TLK2: variants seen among roughly 807,000 people sequenced by gnomAD.
TLK2 encodes the protein serine/threonine-protein kinase tousled-like 2.
A neutral mutation model predicts 117.3 loss-of-function variants in TLK2; 6 were observed. The ratio of observed to expected loss-of-function variants is 0.05; its 90% CI spans 0.03 to 0.10. The LOEUF (loss-of-function observed/expected upper bound fraction) is 0.10, where lower values mean the gene tolerates loss of function less well. Ranked by LOEUF, TLK2 falls within the 10% of genes least tolerant of loss-of-function variation. The pLI, the probability that TLK2 is intolerant of heterozygous loss-of-function variation, is 1.00. For missense variants in TLK2, 299 were observed against 901.2 expected (o/e 0.33, Z 8.56); for synonymous variants, 257 against 316.7 (o/e 0.81, Z 2.00).
chr17:62,558,572 T>C lies in TLK2; in HGVS notation c.721-1444T>C, dbSNP rs2079032148. 2.6e-5 allele frequency among the ~76,000 whole-genome samples: 4 copies of C among 152,358 alleles called. No homozygotes were observed. The South Asian group carries it at 8.3e-4, about 32-fold the overall frequency. On this transcript the variant is annotated intron_variant, in intron 9 of 21. Transcript: ENST00000346027. ...ACTGCCAAGAGGTTGATGGATTTCA[T>C]ACATTTGATTATAGATTTCAAGGGA...
At chr17:62,568,348 C>T (rs1303210952) in intron 11 of TLK2, among the ~76,000 whole-genome samples, 1 of 148,364 alleles carries the variant, frequency 6.7e-6, no homozygotes, top group African/African-American at 2.5e-5. Context: ...AGGAGAATTG[C>T]TTGAACATGG....
chr17:62,514,830 C>T (rs1488865651), intron 2 of TLK2, among the ~76,000 whole-genome samples: 8 of 152,216 alleles, frequency 5.3e-5, no homozygotes, highest in Non-Finnish European at 1.2e-4. Context: ...CCACCTGCCT[C>T]AGCCTCCCAA....
Position 62,513,381 on chromosome 17 carries a change from G to GGT in TLK2, c.82-7388_82-7387dup, listed in dbSNP as rs2075314509. Among the ~76,000 whole-genome samples, 5 of 143,950 alleles carry GGT rather than the reference G, an allele frequency of 3.5e-5. No homozygotes were observed. In the South Asian group the frequency reaches 1.1e-3, roughly 32 times the overall value. 94.4% of individuals were successfully genotyped at this position (143,950 alleles called of 152,430 possible). On this transcript the variant is annotated intron_variant, in intron 2 of 21. Coordinates refer to ENST00000346027, the MANE Select transcript of TLK2 (RefSeq NM_006852.6). The stretch of plus-strand genomic sequence containing the variant: ...TCTGTTGCCCAGGCTGGAGTGCAGT[G>GGT]GTGTGATCATAATTCACTGTAACCT...
At chr17:62,487,377 G>A (rs2072530876) in intron 2 of TLK2, among the ~76,000 whole-genome samples, 3 of 151,094 alleles carry the variant, frequency 2.0e-5, no homozygotes, top group Admixed American at 6.6e-5. Context: ...AGAAAGACTA[G>A]ATAAGTCAGC....
intron 6 of TLK2, among the ~76,000 whole-genome samples, chr17:62,531,256 G>T (rs752874026): frequency 2.2e-5 from 3 of 134,500 alleles, no homozygotes; most frequent in Non-Finnish European, 5.0e-5. Flanking sequence ...CATGGCTTTT[G>T]ACTTTTTTTG....
chr17:62,536,768 C>T (rs1567872202), intron 7 of TLK2, among the ~76,000 whole-genome samples: 1 of 152,162 alleles, frequency 6.6e-6, no homozygotes, highest in South Asian at 2.1e-4. Context: ...AGTTACTGGT[C>T]ATTTACCCCG....
chr17:62,608,401 C>G (rs1203652137), intron 21 of TLK2, among the ~76,000 whole-genome samples: 2 of 152,070 alleles, frequency 1.3e-5, no homozygotes, highest in African/African-American at 4.8e-5. Flanking sequence ...TCCCTAGAGT[C>G]AGAAAGGGAG....
chr17:62,494,698 C>G (rs2073468780), intron 2 of TLK2, among the ~76,000 whole-genome samples: 1 of 152,196 alleles, frequency 6.6e-6, no homozygotes, highest in Non-Finnish European at 1.5e-5. Context: ...GCCACCGTGC[C>G]TGGCCCAGAT....
chr17:62,536,388 C>A, intron 7 of TLK2, 51 bp downstream of exon 7: 1 of 1,528,094 alleles, frequency 6.5e-7, no homozygotes, highest in African/African-American at 1.4e-5. Context: ...CCCTAGTGCT[C>A]CTTGATGAGG....
intron 2 of TLK2, among the ~76,000 whole-genome samples, chr17:62,498,714 T>G (rs1393110179): frequency 6.6e-6 from 1 of 152,174 alleles, no homozygotes; most frequent in African/African-American, 2.4e-5. Context: ...TTTACTGTAT[T>G]ATTACTTGGT....
At chr17:62,535,384 C>T (rs1399568365) in intron 6 of TLK2, among the ~76,000 whole-genome samples, 1 of 152,180 alleles carries the variant, frequency 6.6e-6, no homozygotes, top group Admixed American at 6.5e-5. Flanking sequence ...TACTGTGGAA[C>T]TTGTTTTGCT....
intron 2 of TLK2, among the ~76,000 whole-genome samples, chr17:62,517,078 G>A (rs2075659142): frequency 6.6e-6 from 1 of 151,624 alleles, no homozygotes; most frequent in Admixed American, 6.6e-5. Context: ...GCTAATTTTT[G>A]TATTTTTAGT....
chr17:62,530,786 A>G (rs1322551058), intron 6 of TLK2, among the ~76,000 whole-genome samples: 1 of 152,160 alleles, frequency 6.6e-6, no homozygotes, highest in Admixed American at 6.5e-5. Context: ...TCTAGAATAT[A>G]TCTGCTAGAG....
chr17:62,606,094 A>G lies in TLK2; in HGVS notation c.1860-36A>G, dbSNP rs567793406. On this transcript the variant is annotated intron_variant, in intron 19 of 21. Coordinates refer to ENST00000346027, the MANE Select transcript of TLK2 (RefSeq NM_006852.6). ...GTACATGTCTTAAACTTATATGATC[A>G]TTATTCTAATAATTTATATTTCTTT... The G allele has an allele frequency of 5.1e-4, 504 of 989,092 alleles. 8 individuals are homozygous for G. The South Asian group carries it at 8.6e-3, about 17-fold the overall frequency. 61.3% of individuals were successfully genotyped at this position (989,092 alleles called of 1,614,324 possible). A position where few individuals can be genotyped will look rare whatever the true frequency, so the allele number is the denominator to read the frequency against.
chr17:62,500,335 G>A lies in TLK2; in HGVS notation c.81+19129G>A, dbSNP rs546350228. On this transcript the variant is annotated intron_variant, in intron 2 of 21. Transcript: ENST00000346027. ...ATAAACACTAAGTATAAAAAAGCTAGAGTGATTTTTATTAGACAAAGGAGA... is the reference window on the plus strand; with the variant it reads ...ATAAACACTAAGTATAAAAAAGCTAAAGTGATTTTTATTAGACAAAGGAGA... Among the ~76,000 whole-genome samples, 68 of 152,176 alleles carry A rather than the reference G, an allele frequency of 4.5e-4. No individual in the cohort carries two copies. The South Asian group carries it at 0.011, about 25-fold the overall frequency.
intron 17 of TLK2, among the ~76,000 whole-genome samples, chr17:62,599,789 T>C (rs1411532773): frequency 1.3e-5 from 2 of 152,214 alleles, no homozygotes; most frequent in Non-Finnish European, 2.9e-5. Context: ...AACTGACTGA[T>C]ACACCCACAT....
intron 13 of TLK2, among the ~76,000 whole-genome samples, chr17:62,577,505 T>C (rs1055221425): frequency 2.6e-5 from 4 of 152,228 alleles, no homozygotes; most frequent in African/African-American, 7.2e-5. Flanking sequence ...GAAAGTGTTA[T>C]GTGAACCTTA....
intron 2 of TLK2, 76 bp downstream of exon 2, chr17:62,481,282 G>C (rs1567758947): frequency 8.5e-6 from 13 of 1,533,234 alleles, no homozygotes; most frequent in Non-Finnish European, 1.2e-5. Flanking sequence ...AGAGCAATTT[G>C]GGTAGGCCCT....
chr17:62,571,433 T>C (rs1181757887), intron 11 of TLK2, among the ~76,000 whole-genome samples: 2 of 152,162 alleles, frequency 1.3e-5, no homozygotes, highest in Admixed American at 1.3e-4. Flanking sequence ...CTTTTTTTTT[T>C]CGTGTATTTT....
Sources: allele counts gnomAD v4.1 joint callset (sites outside exome capture counted in the v4.1 genomes callset), GRCh38; gene constraint gnomAD v4.1.1; transcripts MANE v1.5; gene names NCBI Gene and HGNC (gene_info 2026-07-23, HGNC 2026-07-21).